Variants in TACC2 observed in about 807,000 individuals in gnomAD.
TACC2 encodes the protein transforming acidic coiled-coil-containing protein 2.
A neutral mutation model predicts 227.3 loss-of-function variants in TACC2; 137 were observed. That is an observed-to-expected ratio of 0.60 (90% CI 0.52 to 0.69). The LOEUF is 0.69. TACC2 is among the 30% of genes least tolerant of loss of function. The probability of loss-of-function intolerance (pLI) is 0.00; values close to 1 mark genes in which losing one functional copy is unlikely to be tolerated. For missense variants in TACC2, 3,470 were observed against 3,694.4 expected (o/e 0.94, Z 1.57); for synonymous variants, 1,523 against 1,487.5 (o/e 1.02, Z -0.55).
chr10:122,030,029 G>A (rs559748825), intron 2 of TACC2, among the ~76,000 whole-genome samples: 88 of 152,270 alleles, frequency 5.8e-4, no homozygotes, highest in African/African-American at 2.0e-3. Context: ...CATCTGGTAG[G>A]TAGAGGTCAG....
intron 7 of TACC2, among the ~76,000 whole-genome samples, chr10:122,179,338 C>T (rs986426753): frequency 6.6e-6 from 1 of 152,168 alleles, no homozygotes; most frequent in Admixed American, 6.5e-5. Flanking sequence ...GATTATGGCT[C>T]TGACATTTTT....
intron 18 of TACC2, among the ~76,000 whole-genome samples, 165 bp downstream of exon 18, chr10:122,238,202 A>G (rs1010657): frequency 0.36 from 54,606 of 152,056 alleles, 10,879 homozygotes; most frequent in South Asian, 0.54. Flanking sequence ...CTCTATTACT[A>G]TTACTAAAAT....
intron 21 of TACC2, 122 bp from the exon 22 acceptor site, chr10:122,249,422 C>T: frequency 7.2e-7 from 1 of 1,381,750 alleles, no homozygotes; most frequent in Non-Finnish European, 9.9e-7. Context: ...TCCTGTGCTC[C>T]AGCTCCAGTT....
chr10:122,116,503 C>T (rs773152874), intron 5 of TACC2, among the ~76,000 whole-genome samples: 9 of 152,184 alleles, frequency 5.9e-5, no homozygotes, highest in South Asian at 4.1e-4. Context: ...TTGAGCAAGT[C>T]GTGACGTTGT....
intron 1 of TACC2, among the ~76,000 whole-genome samples, chr10:122,002,184 C>G (rs1368850315): frequency 6.6e-6 from 1 of 152,192 alleles, no homozygotes; most frequent in Admixed American, 6.5e-5. Flanking sequence ...CAAGTATCTT[C>G]TTACAAGGGT....
At chr10:122,108,826 C>G (rs1476089249) in intron 5 of TACC2, among the ~76,000 whole-genome samples, 1 of 151,966 alleles carries the variant, frequency 6.6e-6, no homozygotes, top group African/African-American at 2.4e-5. Context: ...CTCTGCCTCC[C>G]GGGTTCAAGT....
chr10:122,211,845 G>A (rs965409779), intron 9 of TACC2, 137 bp downstream of exon 9: 14 of 666,664 alleles, frequency 2.1e-5, no homozygotes, highest in South Asian at 8.0e-5. Context: ...GCTTACGGCC[G>A]TTGCACCAAG....
chr10:122,203,188 C>A (rs1328489778), intron 8 of TACC2, among the ~76,000 whole-genome samples: 1 of 152,140 alleles, frequency 6.6e-6, no homozygotes, highest in Non-Finnish European at 1.5e-5. Context: ...ACCTCCCAGA[C>A]GGGGTGGTGG....
At chr10:122,237,667 C>A in intron 17 of TACC2, 129 bp downstream of exon 17, 2 of 1,200,226 alleles carry the variant, frequency 1.7e-6, no homozygotes, top group Non-Finnish European at 1.1e-6. Context: ...ATGTGTGGCA[C>A]ACCATGCGTT....
chr10:122,141,277 T>C lies in TACC2; in HGVS notation c.5700-2295T>C, dbSNP rs2090497241. On this transcript the variant is annotated intron_variant, in intron 6 of 22. Coordinates refer to ENST00000369005, the MANE Select transcript of TACC2 (RefSeq NM_206862.4). The surrounding 1 kb of genome is among the most constrained non-coding windows in gnomAD (Gnocchi z 4.3). ...TGGGCTTGGATGGTGAGTCACTGAG[T>C]GTTTCCTCGTGGGAGCCTGACCTCC... is the stretch of plus-strand genomic sequence containing the variant. Among the ~76,000 whole-genome samples, 1 of 151,968 alleles carries C rather than the reference T, an allele frequency of 6.6e-6. No individual in the cohort carries two copies. The highest frequency in any genetic ancestry group is 1.5e-5 in the Non-Finnish European group (1 of 67,974).
chr10:122,073,117 AAAAAAAAAAATAT>A (rs1176312097), intron 3 of TACC2, among the ~76,000 whole-genome samples: 2 of 75,564 alleles, frequency 2.6e-5, no homozygotes, highest in African/African-American at 9.5e-5. Context: ...AAAAAAAAAA[AAAAAAAAAAATAT>A]ATATATATAT....
intron 7 of TACC2, among the ~76,000 whole-genome samples, chr10:122,148,683 G>A (rs75728043): frequency 0.037 from 5,630 of 152,330 alleles, 179 homozygotes; most frequent in East Asian, 0.14. Context: ...CATGCTGGGT[G>A]ACTTCCTGCT....
chr10:122,173,032 T>G (rs566795838), intron 7 of TACC2, among the ~76,000 whole-genome samples: 1 of 152,270 alleles, frequency 6.6e-6, no homozygotes, highest in South Asian at 2.1e-4. Flanking sequence ...GCCTGTGGCC[T>G]CAGCTTGGGT....
chr10:122,072,767 T>C (rs1337109672), intron 3 of TACC2, among the ~76,000 whole-genome samples: 1 of 152,104 alleles, frequency 6.6e-6, no homozygotes, highest in Non-Finnish European at 1.5e-5. Flanking sequence ...ATGTATGCCA[T>C]CATTCAGTCA....
chr10:122,162,270 C>T (rs755121600), intron 7 of TACC2, among the ~76,000 whole-genome samples: 8 of 152,170 alleles, frequency 5.3e-5, no homozygotes, highest in Non-Finnish European at 1.2e-4. Flanking sequence ...CTACTGTGAC[C>T]TCGAGTGTCA....
chr10:122,138,098 T>A (rs2089990290), intron 6 of TACC2, among the ~76,000 whole-genome samples: 1 of 152,218 alleles, frequency 6.6e-6, no homozygotes, highest in Admixed American at 6.5e-5. Context: ...AGTTTATTTT[T>A]TTTTTTTCTG....
intron 8 of TACC2, among the ~76,000 whole-genome samples, chr10:122,208,136 T>C (rs1237048505): frequency 2.0e-5 from 3 of 151,908 alleles, no homozygotes; most frequent in African/African-American, 7.3e-5. Context: ...GGAGAAACCG[T>C]TTGGTAGAAA....
At position 122,229,491 on chromosome 10, in the gene TACC2, G is replaced by GT. The variant is rs1485498511; in HGVS notation, c.8037+6dup. The GT allele has an allele frequency of 1.2e-6, 2 of 1,613,888 alleles. No homozygotes were observed. On this transcript the variant is annotated splice_donor_region_variant and intron_variant, in intron 15 of 22. Coordinates refer to ENST00000369005, the MANE Select transcript of TACC2 (RefSeq NM_206862.4). ...CTATTCGCTCAGAAACTCCAGGTTT[G>GT]TAGCCCACGTGTGACCTTTTGGGAG...
rs1449747191 is a variant in TACC2, at chr10:122,233,009, GGTT to G, written c.8127+2573_8127+2575del. Among the ~76,000 whole-genome samples, 35 of 152,276 alleles carry G rather than the reference GGTT, an allele frequency of 2.3e-4. 2 individuals carry two copies. The highest frequency in any genetic ancestry group is 1.8e-3 in the Admixed American group (28 of 15,302). ...AAGCTAGAGTGGGGAGTGATTTTCC[GGTT>G]GTTCCCTAGAGCAGCTTTGACTTCC... On this transcript the variant is annotated intron_variant, in intron 16 of 22. Transcript: ENST00000369005.
Sources: allele counts gnomAD v4.1 joint callset (sites outside exome capture counted in the v4.1 genomes callset), GRCh38; gene constraint gnomAD v4.1.1; non-coding constraint Gnocchi (gnomAD v3.1); transcripts MANE v1.5; gene names NCBI Gene and HGNC (gene_info 2026-07-23, HGNC 2026-07-21).